PRKAR2B: variants seen among roughly 807,000 people sequenced by gnomAD.
PRKAR2B encodes cAMP-dependent protein kinase type II-beta regulatory subunit.
Under a neutral mutation model 49.9 loss-of-function variants are expected in PRKAR2B, and 14 were observed. That is an observed-to-expected ratio of 0.28 (90% CI 0.19 to 0.44). PRKAR2B has a LOEUF of 0.44. Ranked by LOEUF, PRKAR2B falls within the 20% of genes least tolerant of loss-of-function variation. PRKAR2B has a pLI of 1.00. For synonymous variants in PRKAR2B, 196 were observed against 197.7 expected, an observed-to-expected ratio of 0.99 and a Z score of 0.07; for missense variants, 393 against 537.9, an observed-to-expected ratio of 0.73 and a Z score of 2.67.
chr7:107,136,190 G>C (rs1353767894), intron 4 of PRKAR2B, among the ~76,000 whole-genome samples: 1 of 152,124 alleles, frequency 6.6e-6, no homozygotes, highest in African/African-American at 2.4e-5. Flanking sequence ...ATAGATCACA[G>C]ATATAAATGT....
At chr7:107,067,884 T>C (rs1584409086) in intron 1 of PRKAR2B, among the ~76,000 whole-genome samples, 1 of 152,302 alleles carries the variant, frequency 6.6e-6, no homozygotes, top group East Asian at 1.9e-4. Flanking sequence ...ATGAATCAAG[T>C]GTATATAAAG....
chr7:107,099,638 TC>T (rs1794918785), intron 2 of PRKAR2B, among the ~76,000 whole-genome samples: 1 of 135,848 alleles, frequency 7.4e-6, no homozygotes, highest in Admixed American at 8.2e-5. Flanking sequence ...GCATGAGAAA[TC>T]TTTTTTTTTT....
At chr7:107,152,781 A>C (rs79237430) in intron 7 of PRKAR2B, among the ~76,000 whole-genome samples, 6,849 of 152,284 alleles carry the variant, frequency 0.045, 188 homozygotes, top group Middle Eastern at 0.071. Flanking sequence ...TTCCAGCAGC[A>C]TATTTCTTTA....
intron 2 of PRKAR2B, among the ~76,000 whole-genome samples, chr7:107,108,204 C>T (rs958693345): frequency 2.6e-5 from 4 of 152,130 alleles, no homozygotes; most frequent in Non-Finnish European, 5.9e-5. Context: ...GTTGGGGCCA[C>T]TGGACAACGT....
At chr7:107,159,176 T>C (rs1796149790) in intron 10 of PRKAR2B, among the ~76,000 whole-genome samples, 1 of 152,180 alleles carries the variant, frequency 6.6e-6, no homozygotes, top group Admixed American at 6.5e-5. Context: ...AGTCCCTCAT[T>C]CTTTTCTCAG....
intron 2 of PRKAR2B, among the ~76,000 whole-genome samples, chr7:107,114,747 T>G (rs906232814): frequency 3.3e-5 from 5 of 152,118 alleles, no homozygotes; most frequent in East Asian, 1.9e-4. Context: ...CAATTGCTGC[T>G]TATTTATGTA....
intron 2 of PRKAR2B, among the ~76,000 whole-genome samples, chr7:107,119,217 TG>T (rs1433256732): frequency 6.6e-6 from 1 of 152,140 alleles, no homozygotes; most frequent in African/African-American, 2.4e-5. Context: ...GGTGGGGGTG[TG>T]TGTATGTGTA....
intron 4 of PRKAR2B, among the ~76,000 whole-genome samples, chr7:107,130,595 A>G (rs1795589334): frequency 6.6e-6 from 1 of 152,230 alleles, no homozygotes. Context: ...TCAGTAGTTC[A>G]GAGTGGCCCT....
intron 1 of PRKAR2B, among the ~76,000 whole-genome samples, chr7:107,058,941 G>A (rs569721452): frequency 1.3e-5 from 2 of 152,152 alleles, no homozygotes; most frequent in African/African-American, 2.4e-5. Flanking sequence ...CATATAAGCA[G>A]TCCTCTAGCT....
chr7:107,140,748 C>G, intron 4 of PRKAR2B, 99 bp from the exon 5 acceptor site: 1 of 757,800 alleles, frequency 1.3e-6, no homozygotes, highest in Non-Finnish European at 2.1e-6. Flanking sequence ...TGATTATTTC[C>G]ATTTCTTTGG....
At chr7:107,148,258 A>G (rs768774690) in intron 6 of PRKAR2B, among the ~76,000 whole-genome samples, 1 of 152,194 alleles carries the variant, frequency 6.6e-6, no homozygotes, top group Admixed American at 6.5e-5. Flanking sequence ...AGTCATTCCA[A>G]TGGGGTTGCC....
intron 2 of PRKAR2B, among the ~76,000 whole-genome samples, chr7:107,086,618 G>A (rs1794625522): frequency 6.6e-6 from 1 of 151,946 alleles, no homozygotes; most frequent in African/African-American, 2.4e-5. Context: ...GCGCCACCAT[G>A]CCTGGGTCAT....
At chr7:107,125,964 G>T (rs1049421499) in intron 3 of PRKAR2B, among the ~76,000 whole-genome samples, 6 of 151,408 alleles carry the variant, frequency 4.0e-5, no homozygotes, top group African/African-American at 1.2e-4. Context: ...GCAGGCACTT[G>T]TAATCCCAGC....
rs375608105 is a variant in PRKAR2B at position 107,096,512 on chromosome 7, C to T, written c.344-25440C>T. 5.3e-5 allele frequency among the ~76,000 whole-genome samples: 8 copies of T among 150,648 alleles called. No homozygotes were observed. In the South Asian group the frequency reaches 1.1e-3, roughly 20 times the overall value. ...GGTTTTTTTGTGTCTTTATCTCCTTCAGTTCTGCTCTGATCTTAGTTATTT... is the reference window on the plus strand; with the variant it reads ...GGTTTTTTTGTGTCTTTATCTCCTTTAGTTCTGCTCTGATCTTAGTTATTT... On this transcript the variant is annotated intron_variant, in intron 2 of 10. Transcript: ENST00000265717.
chr7:107,159,339 TA>T, intron 10 of PRKAR2B, 109 bp from the exon 11 acceptor site: 1 of 1,101,728 alleles, frequency 9.1e-7, no homozygotes, highest in Non-Finnish European at 1.3e-6. Context: ...AGTATTTACC[TA>T]AAATATCATT....
chr7:107,112,490 T>C (rs1207656515), intron 2 of PRKAR2B, among the ~76,000 whole-genome samples: 1 of 152,130 alleles, frequency 6.6e-6, no homozygotes, highest in African/African-American at 2.4e-5. Flanking sequence ...AATATCCATA[T>C]ATTATTACTG....
intron 2 of PRKAR2B, among the ~76,000 whole-genome samples, chr7:107,074,079 A>C (rs1236338752): frequency 1.3e-5 from 2 of 152,156 alleles, no homozygotes; most frequent in East Asian, 2.0e-4. Context: ...AAATAAAATA[A>C]AATAAAGTAA....
intron 1 of PRKAR2B, among the ~76,000 whole-genome samples, chr7:107,049,616 AC>A (rs1293646927): frequency 6.6e-6 from 1 of 152,006 alleles, no homozygotes; most frequent in African/African-American, 2.4e-5. Flanking sequence ...AGAGTTATAT[AC>A]TTTTTTTTTT....
chr7:107,097,201 G>T (rs2116807929), intron 2 of PRKAR2B, among the ~76,000 whole-genome samples: 1 of 152,246 alleles, frequency 6.6e-6, no homozygotes, highest in East Asian at 1.9e-4. Context: ...CTCCTGTATT[G>T]GGTGCATATA....
Sources: gnomAD v4.1 joint callset for allele counts (sites outside exome capture counted in the v4.1 genomes callset) on GRCh38, gnomAD v4.1.1 for gene constraint, MANE v1.5 for transcripts, NCBI Gene and HGNC (gene_info 2026-07-23, HGNC 2026-07-21) for gene names.